TMEM163: variants seen among roughly 807,000 people sequenced by gnomAD.
TMEM163 encodes transmembrane protein 163.
Under a neutral mutation model 29.3 loss-of-function variants are expected in TMEM163, and 17 were observed. The observed-to-expected ratio is 0.58, with a 90% CI of 0.40 to 0.87. TMEM163 has a LOEUF of 0.87. Among genes scored for constraint, TMEM163 ranks in the 40% least tolerant of loss-of-function variants. TMEM163 has a pLI of 0.00. For synonymous variants in TMEM163, 157 were observed against 160.6 expected (o/e 0.98, Z 0.17); for missense variants, 303 against 381.5 (o/e 0.79, Z 1.71).
At chr2:134,500,408 C>T (rs1679672310) in intron 5 of TMEM163, among the ~76,000 whole-genome samples, 1 of 152,228 alleles carries the variant, frequency 6.6e-6, no homozygotes, top group African/African-American at 2.4e-5. Flanking sequence ...ACTCAGCCCT[C>T]AGCCGAGGAG....
At chr2:134,591,311 G>T (rs1294208526) in intron 2 of TMEM163, among the ~76,000 whole-genome samples, 1 of 152,160 alleles carries the variant, frequency 6.6e-6, no homozygotes, top group African/African-American at 2.4e-5. Context: ...CTGCTGCATT[G>T]TGGTGCATTG....
intron 2 of TMEM163, among the ~76,000 whole-genome samples, chr2:134,645,928 A>G (rs762022528): frequency 6.6e-6 from 1 of 152,232 alleles, no homozygotes; most frequent in Non-Finnish European, 1.5e-5. Context: ...TATACACTAA[A>G]AAACAAAGTT....
intron 4 of TMEM163, among the ~76,000 whole-genome samples, chr2:134,525,315 C>CT (rs1680270184): frequency 6.6e-6 from 1 of 152,232 alleles, no homozygotes; most frequent in Non-Finnish European, 1.5e-5. Context: ...CAGCATGCCC[C>CT]TTAACAAGCC....
At chr2:134,556,813 C>A (rs1464559626) in intron 2 of TMEM163, among the ~76,000 whole-genome samples, 5 of 152,084 alleles carry the variant, frequency 3.3e-5, no homozygotes, top group African/African-American at 9.7e-5. Context: ...AGAGGGAGAT[C>A]CTGTCTCAAA....
At chr2:134,708,457 A>G (rs949949368) in intron 2 of TMEM163, among the ~76,000 whole-genome samples, 2 of 152,150 alleles carry the variant, frequency 1.3e-5, no homozygotes, top group African/African-American at 4.8e-5. Flanking sequence ...TTACATTAAA[A>G]TCAAATAAAT....
intron 2 of TMEM163, among the ~76,000 whole-genome samples, chr2:134,707,034 T>C (rs1228985258): frequency 6.6e-6 from 1 of 152,100 alleles, no homozygotes; most frequent in African/African-American, 2.4e-5. Context: ...AGCCTCCGGG[T>C]TTATCGTTCC....
chr2:134,529,287 C>T (rs183098022), intron 4 of TMEM163, among the ~76,000 whole-genome samples: 19 of 152,224 alleles, frequency 1.2e-4, no homozygotes, highest in South Asian at 2.1e-4. Context: ...GCTGAGATCA[C>T]GCCACTATAC....
At chr2:134,635,974 T>C (rs916044813) in intron 2 of TMEM163, among the ~76,000 whole-genome samples, 1 of 152,156 alleles carries the variant, frequency 6.6e-6, no homozygotes, top group African/African-American at 2.4e-5. Flanking sequence ...AAACCCTCCA[T>C]ATCAGAAGGT....
At chr2:134,681,735 GCAACTT>G (rs1684253051) in intron 2 of TMEM163, among the ~76,000 whole-genome samples, 2 of 152,152 alleles carry the variant, frequency 1.3e-5, no homozygotes, top group Non-Finnish European at 2.9e-5. Context: ...CCAGCACATG[GCAACTT>G]CAATCAGGGT....
At chr2:134,704,340 C>G (rs1175911333) in intron 2 of TMEM163, among the ~76,000 whole-genome samples, 1 of 152,174 alleles carries the variant, frequency 6.6e-6, no homozygotes, top group Non-Finnish European at 1.5e-5. Context: ...CTGATGGCTG[C>G]ATCCCTTTCC....
intron 4 of TMEM163, among the ~76,000 whole-genome samples, chr2:134,529,849 T>C (rs1333335460): frequency 2.0e-5 from 3 of 152,078 alleles, no homozygotes; most frequent in Non-Finnish European, 4.4e-5. Context: ...TATGTATTTT[T>C]ACAATTGGTT....
At chr2:134,690,435 G>A (rs185680654) in intron 2 of TMEM163, among the ~76,000 whole-genome samples, 159 of 151,572 alleles carry the variant, frequency 1.0e-3, no homozygotes, top group African/African-American at 3.4e-3. Context: ...ACAAGTGTGT[G>A]CCACCATACC....
At position 134,458,232 on chromosome 2, in the gene TMEM163, C is replaced by T; in HGVS notation, c.668-59G>A. On this transcript the variant is annotated intron_variant, in intron 6 of 7. Transcript: ENST00000281924. ...TGCCAAGCAATCCAAGAAAATCACC[C>T]AAATGCCAGTCCTGCCTCCACGTAA... is the stretch of plus-strand genomic sequence containing the variant. 3 of 1,600,626 alleles carry T rather than the reference C, an allele frequency of 1.9e-6. No homozygotes were observed. In the South Asian group the frequency reaches 3.3e-5, roughly 18 times the overall value.
At chr2:134,644,690 G>A (rs1043721954) in intron 2 of TMEM163, among the ~76,000 whole-genome samples, 16 of 152,024 alleles carry the variant, frequency 1.1e-4, no homozygotes, top group Non-Finnish European at 1.8e-4. Flanking sequence ...GGAGAAATCC[G>A]TTGGGATCTG....
At chr2:134,510,070 G>C (rs1400300669) in intron 4 of TMEM163, among the ~76,000 whole-genome samples, 1 of 152,120 alleles carries the variant, frequency 6.6e-6, no homozygotes, top group African/African-American at 2.4e-5. Context: ...TGTGTGTCCT[G>C]GAAGCTCCCT....
intron 2 of TMEM163, among the ~76,000 whole-genome samples, chr2:134,695,975 T>C (rs12691870): frequency 0.31 from 47,068 of 149,764 alleles, 9,625 homozygotes; most frequent in African/African-American, 0.57. Flanking sequence ...TTCTTGAACC[T>C]AGGAGGCGGA....
chr2:134,547,928 C>G (rs1680827787), intron 4 of TMEM163, among the ~76,000 whole-genome samples: 1 of 152,214 alleles, frequency 6.6e-6, no homozygotes, highest in Non-Finnish European at 1.5e-5. Context: ...AATGTTCACA[C>G]AGATCCCAAC....
intron 5 of TMEM163, among the ~76,000 whole-genome samples, chr2:134,479,958 T>C (rs1314280855): frequency 1.3e-5 from 2 of 152,220 alleles, no homozygotes; most frequent in Non-Finnish European, 2.9e-5. Context: ...TGCTGACCTG[T>C]GATGTGGGTT....
chr2:134,676,332 G>A (rs1045879084), intron 2 of TMEM163, among the ~76,000 whole-genome samples: 1 of 152,094 alleles, frequency 6.6e-6, no homozygotes, highest in Non-Finnish European at 1.5e-5. Flanking sequence ...ATCTTCAGAG[G>A]CCTGAATCTC....
Sources: allele counts gnomAD v4.1 joint callset (sites outside exome capture counted in the v4.1 genomes callset), GRCh38; gene constraint gnomAD v4.1.1; transcripts MANE v1.5; gene names NCBI Gene and HGNC (gene_info 2026-07-23, HGNC 2026-07-21).